Variants in SGIP1 observed in about 807,000 individuals in gnomAD.
SGIP1 encodes SH3-containing GRB2-like protein 3-interacting protein 1.
SGIP1 carries 38 observed loss-of-function variants against 107.5 expected under a neutral mutation model. The ratio of observed to expected loss-of-function variants is 0.35; its 90% CI spans 0.27 to 0.46. The LOEUF (loss-of-function observed/expected upper bound fraction) is 0.46. Ranked by LOEUF, SGIP1 falls within the 20% of genes least tolerant of loss-of-function variation. The probability of loss-of-function intolerance (pLI) is 1.00; values close to 1 mark genes in which losing one functional copy is unlikely to be tolerated. For missense variants in SGIP1, 929 were observed against 1,019.5 expected, an observed-to-expected ratio of 0.91 and a Z score of 1.21; for synonymous variants, 365 against 366.1, an observed-to-expected ratio of 1.00 and a Z score of 0.03.
intron 1 of SGIP1, among the ~76,000 whole-genome samples, chr1:66,600,904 T>C (rs2065671700): frequency 6.6e-6 from 1 of 152,172 alleles, no homozygotes; most frequent in Admixed American, 6.5e-5. Flanking sequence ...TGGGATGGTG[T>C]TTAGTAAACA....
At chr1:66,682,499 C>T (rs936319050) in intron 15 of SGIP1, 130 bp downstream of exon 15, 5 of 1,108,952 alleles carry the variant, frequency 4.5e-6, no homozygotes, top group African/African-American at 3.1e-5. Flanking sequence ...GTCTGGGTGT[C>T]CTGTGGCCCC....
chr1:66,568,852 T>C (rs2060009601), intron 1 of SGIP1, among the ~76,000 whole-genome samples: 1 of 151,992 alleles, frequency 6.6e-6, no homozygotes, highest in Admixed American at 6.6e-5. Context: ...AAACTAGGTA[T>C]TGAGGGAGCT....
intron 1 of SGIP1, among the ~76,000 whole-genome samples, chr1:66,597,376 C>T (rs1208687010): frequency 1.3e-5 from 2 of 152,224 alleles, no homozygotes; most frequent in Admixed American, 6.5e-5. Context: ...TTATTTAAAA[C>T]TTGACAGAAT....
chr1:66,546,008 C>A (rs528476510), intron 1 of SGIP1, among the ~76,000 whole-genome samples: 3 of 152,118 alleles, frequency 2.0e-5, no homozygotes, highest in Non-Finnish European at 4.4e-5. Flanking sequence ...ATAAATGAAT[C>A]CTGTGTAAGG....
intron 4 of SGIP1, among the ~76,000 whole-genome samples, chr1:66,638,623 A>T (rs2076226778): frequency 6.6e-6 from 1 of 152,138 alleles, no homozygotes; most frequent in African/African-American, 2.4e-5. Flanking sequence ...CTTGTGCATT[A>T]TTCACCCTTG....
At chr1:66,702,190 G>C (rs2091993232) in intron 18 of SGIP1, among the ~76,000 whole-genome samples, 1 of 152,204 alleles carries the variant, frequency 6.6e-6, no homozygotes, top group African/African-American at 2.4e-5. Context: ...AGTAAACAAA[G>C]GCTCTGAGCA....
rs1341702438 is a variant in SGIP1 at position 66,677,051 on chromosome 1, C to A, written c.694C>A (p.Pro232Thr). The stretch of plus-strand genomic sequence containing the variant: ...ATGGGGTTCAGGCCAACCAATTAAT[C>A]CAAGCATGGAGTCGCCAAAGTTAAC... ...EIWGSGQPIN[P>T]SMESPKLTRP... Residue 232 changes from proline to threonine, a missense_variant, in exon 13 of 25, where the codon CCA becomes ACA. This residue lies in a region of SGIP1 where 588 missense variants were observed against 588.6 expected (regional missense o/e 1.00). Transcript: ENST00000371037. The A allele has an allele frequency of 1.2e-6, 2 of 1,613,838 alleles. No individual in the cohort carries two copies. The highest frequency in any genetic ancestry group is 1.7e-5 in the Admixed American group (1 of 59,988).
intron 1 of SGIP1, among the ~76,000 whole-genome samples, chr1:66,571,007 AG>A (rs1378460764): frequency 7.2e-5 from 11 of 152,014 alleles, no homozygotes; most frequent in African/African-American, 2.7e-4. Flanking sequence ...GATAAATCTT[AG>A]TGTAACTGTG....
chr1:66,660,295 C>T, intron 7 of SGIP1: 1 of 556,954 alleles, frequency 1.8e-6, no homozygotes, highest in South Asian at 2.6e-5. Flanking sequence ...GCTCAGATGC[C>T]CAGATGAAGT....
intron 2 of SGIP1, among the ~76,000 whole-genome samples, chr1:66,627,214 G>GA (rs969338984): frequency 2.6e-5 from 4 of 151,980 alleles, no homozygotes; most frequent in Non-Finnish European, 5.9e-5. Flanking sequence ...ATTTGAGGGT[G>GA]AAAAATCTCA....
At chr1:66,737,426 C>T (rs1474874161) in intron 21 of SGIP1, among the ~76,000 whole-genome samples, 7 of 152,078 alleles carry the variant, frequency 4.6e-5, no homozygotes, top group Non-Finnish European at 1.0e-4. Context: ...CGCACGGTGG[C>T]TCATGTCTGT....
intron 21 of SGIP1, among the ~76,000 whole-genome samples, chr1:66,735,952 AT>A (rs1383774849): frequency 2.7e-5 from 4 of 150,786 alleles, no homozygotes; most frequent in Non-Finnish European, 5.9e-5. Context: ...TGTTCAGATT[AT>A]TTTTCTTCAA....
rs2094611164 is a variant in SGIP1 at position 66,750,691 on chromosome 1, C to T, written c.*7596C>T. ...TTCAAAAGAGTATACTTTTTTCTGA[C>T]AGCCATTACTGCTTAGTCTGTAATG... On this transcript the variant is annotated 3_prime_UTR_variant, in exon 25 of 25. Coordinates refer to ENST00000371037, the MANE Select transcript of SGIP1 (RefSeq NM_032291.4). Among the ~76,000 whole-genome samples, 1 of 152,184 alleles carries T rather than the reference C, an allele frequency of 6.6e-6. No individual in the cohort carries two copies. The highest frequency in any genetic ancestry group is 2.4e-5 in the African/African-American group (1 of 41,450).
chr1:66,637,861 A>G (rs2076097784), intron 4 of SGIP1, among the ~76,000 whole-genome samples: 1 of 150,716 alleles, frequency 6.6e-6, no homozygotes, highest in African/African-American at 2.4e-5. Flanking sequence ...ACATACACAC[A>G]TACATACACA....
intron 1 of SGIP1, among the ~76,000 whole-genome samples, chr1:66,549,135 C>T (rs2056967903): frequency 8.7e-6 from 1 of 114,656 alleles, no homozygotes; most frequent in Admixed American, 1.0e-4. Context: ...TTCTGGCTAC[C>T]TGCCTTCCTT....
At chr1:66,538,397 C>T (rs1290855541) in intron 1 of SGIP1, among the ~76,000 whole-genome samples, 1 of 152,126 alleles carries the variant, frequency 6.6e-6, no homozygotes, top group Admixed American at 6.5e-5. Flanking sequence ...AATTTCTCAT[C>T]TTCTCCAGTG....
intron 1 of SGIP1, among the ~76,000 whole-genome samples, chr1:66,549,194 C>G (rs1216093034): frequency 6.8e-6 from 1 of 146,132 alleles, no homozygotes; most frequent in Admixed American, 7.0e-5. Flanking sequence ...TTCCTTCCTT[C>G]CTTCCCTTCC....
At chr1:66,600,543 A>G (rs970962576) in intron 1 of SGIP1, among the ~76,000 whole-genome samples, 4 of 152,220 alleles carry the variant, frequency 2.6e-5, no homozygotes, top group East Asian at 1.9e-4. Flanking sequence ...CCGAAGCACA[A>G]GTAGGAGTTT....
intron 1 of SGIP1, among the ~76,000 whole-genome samples, chr1:66,539,973 C>T (rs184547060): frequency 6.6e-6 from 1 of 152,106 alleles, no homozygotes; most frequent in African/African-American, 2.4e-5. Context: ...TCTCTGTATC[C>T]TTAGCTCTTG....
Sources: allele counts gnomAD v4.1 joint callset (sites outside exome capture counted in the v4.1 genomes callset), GRCh38; gene constraint gnomAD v4.1.1; regional missense constraint gnomAD v4.1.1; transcripts MANE v1.5; gene names NCBI Gene and HGNC (gene_info 2026-07-23, HGNC 2026-07-21).